GRID2: variants seen among roughly 807,000 people sequenced by gnomAD.
The protein encoded by GRID2 is glutamate receptor ionotropic, delta-2.
Under a neutral mutation model 114.8 loss-of-function variants are expected in GRID2, and 33 were observed. The observed-to-expected ratio is 0.29, with a 90% CI of 0.22 to 0.38. The LOEUF (loss-of-function observed/expected upper bound fraction) is 0.38. Ranked by LOEUF, GRID2 falls within the 10% of genes least tolerant of loss-of-function variation. The probability of loss-of-function intolerance (pLI) is 1.00; values close to 1 mark genes in which losing one functional copy is unlikely to be tolerated. For synonymous variants in GRID2, 505 were observed against 449.9 expected, an observed-to-expected ratio of 1.12 and a Z score of -1.55; for missense variants, 1,184 against 1,257.7, an observed-to-expected ratio of 0.94 and a Z score of 0.89.
chr4:93,780,595 C>A (rs1239695206), intron 1 of GRID2, among the ~76,000 whole-genome samples: 1 of 152,172 alleles, frequency 6.6e-6, no homozygotes, highest in Non-Finnish European at 1.5e-5. Context: ...CTGCCGACAC[C>A]TTCCCACCCT....
At chr4:93,539,906 G>T (rs1009888665) in intron 13 of GRID2, among the ~76,000 whole-genome samples, 14 of 151,754 alleles carry the variant, frequency 9.2e-5, no homozygotes, top group African/African-American at 2.9e-4. Flanking sequence ...CATTTGTGCT[G>T]GGCACCTGAG....
intron 1 of GRID2, among the ~76,000 whole-genome samples, chr4:92,343,853 C>T (rs778790185): frequency 1.1e-4 from 17 of 152,292 alleles, no homozygotes; most frequent in South Asian, 8.3e-4. Context: ...GAATTATAGG[C>T]GTGAGCCAGT....
chr4:93,326,501 G>C (rs997305394), intron 8 of GRID2, among the ~76,000 whole-genome samples: 13 of 152,092 alleles, frequency 8.5e-5, no homozygotes, highest in Non-Finnish European at 1.8e-4. Context: ...TGAGCTTTTA[G>C]ATTCTCCAAT....
At chr4:93,392,370 C>T (rs796852721) in intron 8 of GRID2, among the ~76,000 whole-genome samples, 22 of 152,270 alleles carry the variant, frequency 1.4e-4, no homozygotes, top group African/African-American at 5.3e-4. Context: ...CACACTTGAA[C>T]CTAAGTGAAA....
chr4:93,516,169 A>T (rs992881391), intron 13 of GRID2, among the ~76,000 whole-genome samples: 26 of 152,294 alleles, frequency 1.7e-4, no homozygotes, highest in Admixed American at 2.6e-4. Context: ...GAACGTCAGT[A>T]ATAGCAGCAA....
intron 2 of GRID2, among the ~76,000 whole-genome samples, chr4:93,003,392 T>A (rs1006975494): frequency 6.6e-6 from 1 of 151,950 alleles, no homozygotes; most frequent in Non-Finnish European, 1.5e-5. Flanking sequence ...TGGAAACCTG[T>A]CTAACACAAA....
chr4:92,925,727 G>T (rs1005500555), intron 2 of GRID2, among the ~76,000 whole-genome samples: 44 of 151,930 alleles, frequency 2.9e-4, no homozygotes, highest in African/African-American at 9.4e-4. Context: ...CACTTGAAAG[G>T]TACCCAAAGT....
intron 8 of GRID2, among the ~76,000 whole-genome samples, chr4:93,361,617 A>G (rs555381700): frequency 6.6e-6 from 1 of 152,076 alleles, no homozygotes; most frequent in Admixed American, 6.6e-5. Context: ...ATGATTCTTT[A>G]AAATATCCTG....
chr4:92,644,562 T>C (rs556771328), intron 2 of GRID2, among the ~76,000 whole-genome samples: 1 of 151,872 alleles, frequency 6.6e-6, no homozygotes, highest in African/African-American at 2.4e-5. Flanking sequence ...CAGCTTTTTG[T>C]CTGGTGAGTA....
In GRID2 at chr4:93,356,143, A is replaced by G. The variant is rs1363916390; in HGVS notation, c.1246-39464A>G. 3.3e-5 allele frequency among the ~76,000 whole-genome samples: 5 copies of G among 152,236 alleles called. No individual in the cohort carries two copies. The East Asian group carries it at 7.7e-4, about 24-fold the overall frequency. ...ATAAATATAAACTTACCTACTTATC[A>G]TCTTTCACTAACTCACCACATTTGT... On this transcript the variant is annotated intron_variant, in intron 8 of 15. Coordinates refer to ENST00000282020, the MANE Select transcript of GRID2 (RefSeq NM_001510.4).
At chr4:92,437,801 G>T (rs984802101) in intron 1 of GRID2, among the ~76,000 whole-genome samples, 3 of 152,168 alleles carry the variant, frequency 2.0e-5, no homozygotes, top group Non-Finnish European at 2.9e-5. Flanking sequence ...AAATTGGATT[G>T]CTTCGGCTCA....
At chr4:93,046,764 T>C (rs1379104617) in intron 2 of GRID2, among the ~76,000 whole-genome samples, 1 of 151,974 alleles carries the variant, frequency 6.6e-6, no homozygotes, top group East Asian at 1.9e-4. Flanking sequence ...GCCATTTAGC[T>C]TTGCTTTTAT....
At chr4:93,061,507 G>A (rs927779519) in intron 2 of GRID2, among the ~76,000 whole-genome samples, 3 of 152,110 alleles carry the variant, frequency 2.0e-5, no homozygotes, top group South Asian at 2.1e-4. Context: ...CTAGTGATGG[G>A]CATTGCAACA....
At chr4:93,518,617 C>A (rs1730036110) in intron 13 of GRID2, among the ~76,000 whole-genome samples, 1 of 151,780 alleles carries the variant, frequency 6.6e-6, no homozygotes, top group African/African-American at 2.4e-5. Context: ...GTGGTATGTT[C>A]AGTAGTGAGA....
At chr4:93,744,947 C>T (rs1428168215) in intron 14 of GRID2, among the ~76,000 whole-genome samples, 1 of 152,178 alleles carries the variant, frequency 6.6e-6, no homozygotes, top group Non-Finnish European at 1.5e-5. Context: ...ACAACTGTGA[C>T]TCACAGAAAG....
chr4:93,159,754 A>G (rs1393895778), intron 4 of GRID2, among the ~76,000 whole-genome samples: 1 of 150,710 alleles, frequency 6.6e-6, no homozygotes, highest in Non-Finnish European at 1.5e-5. Context: ...TTCTTAGCAA[A>G]GACATCATTT....
intron 14 of GRID2, among the ~76,000 whole-genome samples, chr4:93,737,514 A>T (rs1422898319): frequency 1.3e-5 from 2 of 152,018 alleles, no homozygotes; most frequent in Non-Finnish European, 2.9e-5. Flanking sequence ...CACTTGAGGC[A>T]AGGAGTTCCA....
intron 4 of GRID2, among the ~76,000 whole-genome samples, chr4:93,172,065 C>T (rs1738877976): frequency 6.6e-6 from 1 of 152,136 alleles, no homozygotes; most frequent in African/African-American, 2.4e-5. Flanking sequence ...GCAAATTGGG[C>T]CATGATATCC....
intron 2 of GRID2, among the ~76,000 whole-genome samples, chr4:93,083,853 TAATA>T (rs1164258734): frequency 6.6e-6 from 1 of 152,072 alleles, no homozygotes; most frequent in Non-Finnish European, 1.5e-5. Context: ...AAATTAATAA[TAATA>T]AATTTATTTG....
Sources: allele counts gnomAD v4.1 joint callset (sites outside exome capture counted in the v4.1 genomes callset), GRCh38; gene constraint gnomAD v4.1.1; transcripts MANE v1.5; gene names NCBI Gene and HGNC (gene_info 2026-07-23, HGNC 2026-07-21).